CDKN2B-AS1: variants seen among roughly 807,000 people sequenced by gnomAD.
CDKN2B-AS1 encodes the protein CDKN2B antisense RNA 1 (non-protein coding).
At chr9:22,100,248 C>T (rs1339873286) in intron 4 of CDKN2B-AS1, among the ~76,000 whole-genome samples, 4 of 152,100 alleles carry the variant, frequency 2.6e-5, no homozygotes, top group Non-Finnish European at 5.9e-5. Context: ...TGTAACCATT[C>T]CTACAATGGT....
At chr9:22,103,035 G>T (rs139249147) in intron 4 of CDKN2B-AS1, among the ~76,000 whole-genome samples, 205 of 152,136 alleles carry the variant, frequency 1.3e-3, no homozygotes, top group African/African-American at 4.7e-3. Flanking sequence ...ATAACCAGGA[G>T]TACAAACAAA....
rs557595637 is a variant in CDKN2B-AS1 at position 22,010,475 on chromosome 9, G to A, written n.29+15314G>A. On this transcript the variant is annotated intron_variant and non_coding_transcript_variant, in intron 1 of 4. Transcript: ENST00000650946. ...AGGAAGACAAAGTCTTAACAGGAGG[G>A]CAATTGCTTGTGTATTGCAAAATGA... 5.3e-5 allele frequency among the ~76,000 whole-genome samples: 8 copies of A among 152,206 alleles called. No homozygotes were observed. The South Asian group carries it at 1.2e-3, about 24-fold the overall frequency.
chr9:22,047,328 C>T (rs543679699), intron 2 of CDKN2B-AS1, among the ~76,000 whole-genome samples: 1 of 152,232 alleles, frequency 6.6e-6, no homozygotes, highest in Non-Finnish European at 1.5e-5. Flanking sequence ...ATAAATATTT[C>T]ATCCTCACAA....
chr9:22,120,031 C>A (rs1826058649), intron 4 of CDKN2B-AS1: 1 of 152,164 alleles, frequency 6.6e-6, no homozygotes, highest in Non-Finnish European at 1.5e-5. Flanking sequence ...TGATATTAAA[C>A]CTTTATGAGA....
At chr9:22,038,060 A>G (rs1306499111) in intron 1 of CDKN2B-AS1, among the ~76,000 whole-genome samples, 1 of 152,060 alleles carries the variant, frequency 6.6e-6, no homozygotes, top group African/African-American at 2.4e-5. Context: ...TACTTACACA[A>G]TCATATTTCA....
chr9:22,094,849 C>T (rs1314223717), intron 4 of CDKN2B-AS1, among the ~76,000 whole-genome samples: 1 of 144,138 alleles, frequency 6.9e-6, no homozygotes, highest in Admixed American at 6.7e-5. Context: ...TGTTCCATTG[C>T]TGGTGAGGAG....
Position 22,000,347 on chromosome 9 carries a change from G to C in CDKN2B-AS1, n.29+5186G>C, listed in dbSNP as rs536410996. On this transcript the variant is annotated intron_variant and non_coding_transcript_variant, in intron 1 of 4. Transcript: ENST00000650946. This position sits in a 1 kb window ranked among gnomAD's most constrained non-coding sequence, Gnocchi z 4.1. ...TGGTATGCTTCCCTAGAAAGGGGACGACCTTAAATCTTTCTGTTTATGGTG... is the reference window on the plus strand; with the variant it reads ...TGGTATGCTTCCCTAGAAAGGGGACCACCTTAAATCTTTCTGTTTATGGTG... 6.6e-6 allele frequency among the ~76,000 whole-genome samples: 1 copy of C among 152,156 alleles called. No individual in the cohort carries two copies. The highest frequency in any genetic ancestry group is 6.5e-5 in the Admixed American group (1 of 15,268).
chr9:22,106,301 T>C (rs1414154948), intron 4 of CDKN2B-AS1, among the ~76,000 whole-genome samples: 1 of 152,134 alleles, frequency 6.6e-6, no homozygotes, highest in Non-Finnish European at 1.5e-5. Context: ...CAGGTTGGTC[T>C]CAAACTCTTG....
At position 22,110,683 on chromosome 9, in the gene CDKN2B-AS1, A is replaced by G. The variant is rs954840552; in HGVS notation, n.439-16420A>G. 3.3e-5 allele frequency among the ~76,000 whole-genome samples: 5 copies of G among 152,156 alleles called. No homozygotes were observed. In the East Asian group the frequency reaches 7.7e-4, roughly 23 times the overall value. Reference sequence around the variant, plus strand: ...CGTAAACCATGTATCTAGAGTTTATAGAAGAATTAAAATTCAAAAACCCTA... The same window carrying G: ...CGTAAACCATGTATCTAGAGTTTATGGAAGAATTAAAATTCAAAAACCCTA... On this transcript the variant is annotated intron_variant and non_coding_transcript_variant, in intron 4 of 4. Coordinates refer to ENST00000650946, the Ensembl canonical transcript of CDKN2B-AS1.
chr9:22,008,864 C>T (rs1459932063), intron 1 of CDKN2B-AS1: 1 of 1,611,928 alleles, frequency 6.2e-7, no homozygotes, highest in South Asian at 1.1e-5. Context: ...GGAGCTGTCG[C>T]ACCTTCTCCA....
intron 4 of CDKN2B-AS1, among the ~76,000 whole-genome samples, chr9:22,123,767 A>C (rs10738610): frequency 0.42 from 63,461 of 151,980 alleles, 14,772 homozygotes; most frequent in Middle Eastern, 0.65. Flanking sequence ...TCCAGGGGAC[A>C]GAAATAGGAC....
At chr9:22,085,279 T>C (rs144039082) in intron 4 of CDKN2B-AS1, among the ~76,000 whole-genome samples, 10 of 152,170 alleles carry the variant, frequency 6.6e-5, no homozygotes, top group African/African-American at 2.2e-4. Context: ...CTCACCTAAC[T>C]GGGAAAAAGC....
At chr9:22,031,880 G>C (rs910422421) in intron 1 of CDKN2B-AS1, among the ~76,000 whole-genome samples, 1 of 152,202 alleles carries the variant, frequency 6.6e-6, no homozygotes, top group African/African-American at 2.4e-5. Flanking sequence ...TGATGAAGCA[G>C]GCTGCCACAG....
At chr9:22,099,171 G>A (rs1587530927) in intron 4 of CDKN2B-AS1, among the ~76,000 whole-genome samples, 1 of 152,128 alleles carries the variant, frequency 6.6e-6, no homozygotes, top group African/African-American at 2.4e-5. Context: ...GGAACAACAT[G>A]TACAAAAGCA....
At position 22,059,278 on chromosome 9, in the gene CDKN2B-AS1, C is replaced by A. The variant is rs7021816; in HGVS notation, n.438+2891C>A. Among the ~76,000 whole-genome samples the A allele has an allele frequency of 2.6e-3, 393 of 152,270 alleles. 3 individuals carry two copies. Among genetic ancestry groups the A allele is most frequent in the African/African-American group, 9.0e-3 (375 of 41,542 alleles). On this transcript the variant is annotated intron_variant and non_coding_transcript_variant, in intron 4 of 4. Coordinates refer to ENST00000650946, the Ensembl canonical transcript of CDKN2B-AS1. ...AAAATCAAAGCAAGCTAGTTACTTC[C>A]TAGATACAATGGTGGTACCAGTATT...
chr9:22,100,735 CA>C (rs1386305045), intron 4 of CDKN2B-AS1, among the ~76,000 whole-genome samples: 2 of 152,116 alleles, frequency 1.3e-5, no homozygotes, highest in Non-Finnish European at 2.9e-5. Context: ...AACTGTTTTC[CA>C]AAGTGGCTGT....
chr9:22,067,733 A>G (rs1824119017), intron 4 of CDKN2B-AS1, among the ~76,000 whole-genome samples: 4 of 152,210 alleles, frequency 2.6e-5, no homozygotes, highest in Admixed American at 1.3e-4. Flanking sequence ...TTTGAAAACA[A>G]TAATGTAGAA....
rs955940537 is a variant in CDKN2B-AS1 at position 22,060,197 on chromosome 9, T to C, written n.438+3810T>C. Among the ~76,000 whole-genome samples the C allele has an allele frequency of 3.9e-5, 6 of 152,240 alleles. No homozygotes were observed. The East Asian group carries it at 5.8e-4, about 15-fold the overall frequency. On this transcript the variant is annotated intron_variant and non_coding_transcript_variant, in intron 4 of 4. Coordinates refer to ENST00000650946, the Ensembl canonical transcript of CDKN2B-AS1. Reference sequence around the variant, plus strand: ...TTTCTTTTCTATTGCATAGTCAGGCTGCAAATTTTCTGAACTCTGTTTCCC... The same window carrying C: ...TTTCTTTTCTATTGCATAGTCAGGCCGCAAATTTTCTGAACTCTGTTTCCC...
At chr9:22,016,483 T>C (rs1272298898) in intron 1 of CDKN2B-AS1, among the ~76,000 whole-genome samples, 4 of 152,216 alleles carry the variant, frequency 2.6e-5, no homozygotes, top group Admixed American at 6.5e-5. Flanking sequence ...GGAGCCCGCA[T>C]TGCCAAGTCA....
Sources: gnomAD v4.1 joint callset for allele counts (sites outside exome capture counted in the v4.1 genomes callset) on GRCh38, gnomAD v4.1.1 for gene constraint, Gnocchi (gnomAD v3.1) non-coding constraint, MANE v1.5 for transcripts, NCBI Gene and HGNC (gene_info 2026-07-23, HGNC 2026-07-21) for gene names.